The following PCDH9 variants were observed in gnomAD, a reference collection of about 807,000 sequenced individuals.
PCDH9 encodes protocadherin 9.
A neutral mutation model predicts 70.6 loss-of-function variants in PCDH9; 24 were observed. The observed-to-expected ratio is 0.34, with a 90% CI of 0.25 to 0.48. PCDH9 has a LOEUF of 0.48. Ranked by LOEUF, PCDH9 falls within the 20% of genes least tolerant of loss-of-function variation. The pLI is 0.99. For synonymous variants in PCDH9, 562 were observed against 558.5 expected (o/e 1.01, Z -0.09); for missense variants, 1,281 against 1,503.6 (o/e 0.85, Z 2.45).
At chr13:66,445,926 G>A (rs939181527) in intron 4 of PCDH9, among the ~76,000 whole-genome samples, 4 of 150,590 alleles carry the variant, frequency 2.7e-5, no homozygotes, top group East Asian at 1.9e-4. Flanking sequence ...TAAGCCTTTC[G>A]ATGCCAATTT....
chr13:66,665,608 C>A (rs894483675), intron 3 of PCDH9, among the ~76,000 whole-genome samples: 1 of 152,062 alleles, frequency 6.6e-6, no homozygotes, highest in African/African-American at 2.4e-5. Context: ...TATTAACTTG[C>A]TTTGCTTTGC....
chr13:66,949,702 A>T (rs970514806), intron 2 of PCDH9, among the ~76,000 whole-genome samples: 1 of 152,084 alleles, frequency 6.6e-6, no homozygotes, highest in East Asian at 1.9e-4. Flanking sequence ...ATCTCCATCG[A>T]CTAGTTGGAA....
chr13:66,683,117 C>A (rs747269493), intron 3 of PCDH9, among the ~76,000 whole-genome samples: 3 of 152,244 alleles, frequency 2.0e-5, no homozygotes, highest in South Asian at 4.1e-4. Context: ...TGTTATGACA[C>A]CCAAGGTGAG....
chr13:66,844,704 T>C (rs545422824), intron 3 of PCDH9, among the ~76,000 whole-genome samples: 2 of 152,124 alleles, frequency 1.3e-5, no homozygotes, highest in South Asian at 2.1e-4. Context: ...TTTCATGCAA[T>C]GGTTGTTTTG....
chr13:66,632,977 T>C (rs996043292), intron 3 of PCDH9, among the ~76,000 whole-genome samples: 3 of 152,074 alleles, frequency 2.0e-5, no homozygotes, highest in African/African-American at 7.2e-5. Context: ...AGAAAAAGGA[T>C]TGCGGTTAGA....
intron 3 of PCDH9, among the ~76,000 whole-genome samples, chr13:66,738,378 C>A (rs1225191224): frequency 6.6e-6 from 1 of 151,924 alleles, no homozygotes; most frequent in East Asian, 1.9e-4. Flanking sequence ...TAGATAAAAC[C>A]ACAAAGATGG....
chr13:67,212,212 A>G (rs2089482903), intron 2 of PCDH9: 1 of 152,156 alleles, frequency 6.6e-6, no homozygotes, highest in South Asian at 2.1e-4. Context: ...TCTTATAATT[A>G]GAGTAATAGA....
At chr13:66,817,783 A>T (rs1305419537) in intron 3 of PCDH9, among the ~76,000 whole-genome samples, 3 of 151,994 alleles carry the variant, frequency 2.0e-5, no homozygotes, top group Non-Finnish European at 4.4e-5. Context: ...ACACAGGTGC[A>T]TGCCACCACC....
chr13:67,018,809 C>G (rs927545514), intron 2 of PCDH9, among the ~76,000 whole-genome samples: 8 of 152,158 alleles, frequency 5.3e-5, no homozygotes, highest in African/African-American at 1.9e-4. Context: ...TCCTCGCATA[C>G]TGACGATTAC....
intron 4 of PCDH9, among the ~76,000 whole-genome samples, chr13:66,385,254 T>A (rs369416530): frequency 1.1e-4 from 16 of 152,198 alleles, no homozygotes; most frequent in African/African-American, 3.6e-4. Flanking sequence ...ACTAGTTAAG[T>A]ACCCTGTTTT....
chr13:66,505,272 A>G (rs181270714), intron 4 of PCDH9, among the ~76,000 whole-genome samples: 333 of 152,350 alleles, frequency 2.2e-3, no homozygotes, highest in Admixed American at 5.0e-3. Flanking sequence ...AAAAGGTTTA[A>G]GTGACTCACA....
intron 2 of PCDH9, among the ~76,000 whole-genome samples, chr13:67,027,899 C>T (rs1302215718): frequency 6.6e-6 from 1 of 151,560 alleles, no homozygotes. Flanking sequence ...GAATGGCAAT[C>T]ATTAAAAAGT....
chr13:66,738,103 T>C (rs2079186448), intron 3 of PCDH9, among the ~76,000 whole-genome samples: 1 of 152,144 alleles, frequency 6.6e-6, no homozygotes, highest in Non-Finnish European at 1.5e-5. Context: ...CCTGACAGCT[T>C]TGAAGAGAGC....
At chr13:66,855,325 C>A (rs904427497) in intron 3 of PCDH9, among the ~76,000 whole-genome samples, 2 of 152,086 alleles carry the variant, frequency 1.3e-5, no homozygotes, top group East Asian at 3.9e-4. Context: ...CTTTGCCTTA[C>A]AACTAGTATT....
Position 66,504,477 on chromosome 13 carries a change from G to A in PCDH9, c.3340+126733C>T, listed in dbSNP as rs117346751. 4.7e-3 allele frequency among the ~76,000 whole-genome samples: 709 copies of A among 152,246 alleles called. 31 individuals carry two copies. The East Asian group carries it at 0.091, about 20-fold the overall frequency. On this transcript the variant is annotated intron_variant, in intron 4 of 4. Coordinates refer to ENST00000377865, the MANE Select transcript of PCDH9 (RefSeq NM_203487.3). Reference sequence around the variant, plus strand: ...GGATTCCAGCTGAACACAGCTGCAAGAGTAAGCCCAGGTAAGACTAGCAGT... The same window carrying A: ...GGATTCCAGCTGAACACAGCTGCAAAAGTAAGCCCAGGTAAGACTAGCAGT...
At chr13:66,336,270 T>C (rs1290924898) in intron 4 of PCDH9, among the ~76,000 whole-genome samples, 1 of 152,046 alleles carries the variant, frequency 6.6e-6, no homozygotes, top group Non-Finnish European at 1.5e-5. Context: ...TTTTTTTTTT[T>C]TTAATTTACA....
In PCDH9 at chr13:66,810,501, G is replaced by A. The variant is rs556340857; in HGVS notation, c.3138+93003C>T. 6.6e-5 allele frequency among the ~76,000 whole-genome samples: 10 copies of A among 151,640 alleles called. No homozygotes were observed. The East Asian group carries it at 1.7e-3, about 26-fold the overall frequency. On this transcript the variant is annotated intron_variant, in intron 3 of 4. Coordinates refer to ENST00000377865, the MANE Select transcript of PCDH9 (RefSeq NM_203487.3). ...AAATATAGAGCTTATAATATTCTTGGGAATATAATAAATGTAAAGTACTGG... is the reference window on the plus strand; with the variant it reads ...AAATATAGAGCTTATAATATTCTTGAGAATATAATAAATGTAAAGTACTGG...
intron 4 of PCDH9, among the ~76,000 whole-genome samples, chr13:66,533,604 T>C (rs1960563602): frequency 6.6e-6 from 1 of 152,134 alleles, no homozygotes; most frequent in African/African-American, 2.4e-5. Flanking sequence ...AACCTAATGA[T>C]TGAAGTCTAC....
intron 3 of PCDH9, among the ~76,000 whole-genome samples, chr13:66,788,648 ATTTTTTTT>A (rs58386697): frequency 2.4e-5 from 2 of 81,862 alleles, no homozygotes; most frequent in African/African-American, 1.0e-4. Context: ...CTAAACAGTA[ATTTTTTTT>A]TTTTTTTTTT....
Sources: gnomAD v4.1 joint callset for allele counts (sites outside exome capture counted in the v4.1 genomes callset) on GRCh38, gnomAD v4.1.1 for gene constraint, MANE v1.5 for transcripts, NCBI Gene and HGNC (gene_info 2026-07-23, HGNC 2026-07-21) for gene names.